ARFIP1: variants seen among roughly 807,000 people sequenced by gnomAD.
ARFIP1 encodes the protein ARF interacting protein 1, also known as arfaptin-1.
Under a neutral mutation model 42.5 loss-of-function variants are expected in ARFIP1, and 24 were observed. The ratio of observed to expected loss-of-function variants is 0.57; its 90% confidence interval spans 0.41 to 0.80. The LOEUF (loss-of-function observed/expected upper bound fraction) is 0.80. Among genes scored for constraint, ARFIP1 ranks in the 30% least tolerant of loss-of-function variants. The probability of loss-of-function intolerance (pLI) is 0.00; values close to 1 mark genes in which losing one functional copy is unlikely to be tolerated. For synonymous variants in ARFIP1, 141 were observed against 153.7 expected, an observed-to-expected ratio of 0.92 and a Z score of 0.61; for missense variants, 354 against 434.0, an observed-to-expected ratio of 0.82 and a Z score of 1.64.
intron 1 of ARFIP1, among the ~76,000 whole-genome samples, chr4:152,819,427 C>T (rs554941134): frequency 2.4e-4 from 36 of 152,276 alleles, no homozygotes; most frequent in African/African-American, 8.7e-4. Context: ...TCACTTCCCT[C>T]CCACCCCCAT....
At chr4:152,907,384 T>C (rs918828876) in intron 8 of ARFIP1, among the ~76,000 whole-genome samples, 5 of 152,056 alleles carry the variant, frequency 3.3e-5, no homozygotes, top group Non-Finnish European at 7.4e-5. Context: ...ACAGACAAAA[T>C]ATAAAGAGTA....
chr4:152,862,672 T>C (rs1320292554), intron 2 of ARFIP1, among the ~76,000 whole-genome samples: 1 of 152,216 alleles, frequency 6.6e-6, no homozygotes, highest in Admixed American at 6.5e-5. Context: ...AGCCCTGAAA[T>C]TCCCATGAAA....
At chr4:152,891,088 T>C (rs2149900284) in intron 8 of ARFIP1, among the ~76,000 whole-genome samples, 1 of 151,606 alleles carries the variant, frequency 6.6e-6, no homozygotes, top group East Asian at 1.9e-4. Context: ...CAGGGAGGGG[T>C]CCCTCCCATT....
intron 3 of ARFIP1, among the ~76,000 whole-genome samples, chr4:152,869,550 A>G (rs1182414480): frequency 6.6e-6 from 1 of 151,708 alleles, no homozygotes; most frequent in African/African-American, 2.4e-5. Flanking sequence ...CCTGGGCTCA[A>G]GCAGTCCGTC....
intron 2 of ARFIP1, among the ~76,000 whole-genome samples, chr4:152,840,596 C>A (rs1042010474): frequency 5.9e-5 from 9 of 152,080 alleles, no homozygotes; most frequent in African/African-American, 2.2e-4. Context: ...TGTGCATTGG[C>A]ATAAAATGCC....
At position 152,887,997 on chromosome 4, in the gene ARFIP1, C is replaced by G. The variant is rs1235545298; in HGVS notation, c.792-136C>G. 7.7e-6 allele frequency: 4 copies of G among 518,440 alleles called. No homozygotes were observed. In the African/African-American group the frequency reaches 8.0e-5, roughly 10 times the overall value. 32.1% of individuals were successfully genotyped at this position (518,440 alleles called of 1,614,324 possible). On this transcript the variant is annotated intron_variant, in intron 7 of 8. Coordinates refer to ENST00000353617, the MANE Select transcript of ARFIP1 (RefSeq NM_001025595.3). ...TTTAAAGAAATAATGATTTCAAAAG[C>G]GTCAAGTAGAATATGTGTGAGAATT...
At chr4:152,898,906 G>A (rs1056461200) in intron 8 of ARFIP1, among the ~76,000 whole-genome samples, 8 of 152,154 alleles carry the variant, frequency 5.3e-5, no homozygotes, top group African/African-American at 1.7e-4. Context: ...TTGAAAAGAA[G>A]AGTAATTGTT....
intron 1 of ARFIP1, chr4:152,796,469 T>C (rs1731477016): frequency 2.7e-6 from 2 of 730,146 alleles, no homozygotes; most frequent in Admixed American, 4.2e-5. Context: ...CCTGGGCACA[T>C]ACTTTAGGCA....
At chr4:152,907,303 A>G (rs909655570) in intron 8 of ARFIP1, among the ~76,000 whole-genome samples, 2 of 152,206 alleles carry the variant, frequency 1.3e-5, no homozygotes, top group Non-Finnish European at 2.9e-5. Context: ...CAAGTCTTCA[A>G]CAAAGTTGAT....
chr4:152,795,774 C>G (rs61678994), intron 1 of ARFIP1, among the ~76,000 whole-genome samples: 1 of 111,452 alleles, frequency 9.0e-6, no homozygotes, highest in Non-Finnish European at 1.8e-5. Flanking sequence ...TGGCATTTCT[C>G]TAATTTTGAG....
intron 8 of ARFIP1, among the ~76,000 whole-genome samples, chr4:152,906,545 C>T (rs1056829461): frequency 5.3e-5 from 8 of 152,184 alleles, no homozygotes; most frequent in Admixed American, 1.3e-4. Context: ...TTCTCACGAT[C>T]TCCTCTTTTA....
intron 1 of ARFIP1, among the ~76,000 whole-genome samples, chr4:152,827,521 G>A (rs1042682314): frequency 1.3e-5 from 2 of 152,154 alleles, no homozygotes; most frequent in African/African-American, 4.8e-5. Flanking sequence ...GTAGTATACA[G>A]AAAAGTTTCT....
chr4:152,882,884 A>T lies in ARFIP1; in HGVS notation c.791+4A>T. On this transcript the variant is annotated splice_donor_region_variant and intron_variant, in intron 7 of 8. Coordinates refer to ENST00000353617, the MANE Select transcript of ARFIP1 (RefSeq NM_001025595.3). The stretch of plus-strand genomic sequence containing the variant: ...TGAAACAGTATGAAAGTGCCAGGTA[A>T]GGTATACATTTTCACTGTGTTGTCT... 1 of 1,600,772 alleles carries T rather than the reference A, an allele frequency of 6.2e-7. No individual in the cohort carries two copies. Among genetic ancestry groups the T allele is most frequent in the Non-Finnish European group, 8.5e-7 (1 of 1,175,030 alleles).
intron 8 of ARFIP1, among the ~76,000 whole-genome samples, chr4:152,889,534 TACAC>T (rs1736559575): frequency 1.3e-4 from 6 of 45,872 alleles, no homozygotes; most frequent in African/African-American, 1.7e-4. Flanking sequence ...TATATATATA[TACAC>T]CTATTTTTGT....
At chr4:152,800,131 CATT>C (rs1474038406) in intron 1 of ARFIP1, among the ~76,000 whole-genome samples, 4 of 152,074 alleles carry the variant, frequency 2.6e-5, no homozygotes, top group African/African-American at 9.7e-5. Flanking sequence ...AATTTAAAAG[CATT>C]ATATGAGTTT....
intron 1 of ARFIP1, among the ~76,000 whole-genome samples, chr4:152,827,406 A>T (rs532050101): frequency 6.6e-6 from 1 of 152,256 alleles, no homozygotes; most frequent in Admixed American, 6.5e-5. Context: ...ATGACCCTAC[A>T]TTGACACATC....
chr4:152,871,602 G>GATTTTTACTGGGGGCTGATCAC (rs11270744), intron 4 of ARFIP1, among the ~76,000 whole-genome samples: 101,622 of 150,736 alleles, frequency 0.67, 34,556 homozygotes, highest in African/African-American at 0.75. Flanking sequence ...AATTTTTGGG[G>GATTTTTACTGGGGGCTGATCAC]ATTTTTACTG....
chr4:152,833,976 T>C (rs1184959803), intron 2 of ARFIP1, among the ~76,000 whole-genome samples: 1 of 152,220 alleles, frequency 6.6e-6, no homozygotes, highest in Non-Finnish European at 1.5e-5. Context: ...GCAGGAAGTA[T>C]GATGCCAACA....
chr4:152,786,106 A>G (rs1156598500), intron 1 of ARFIP1, among the ~76,000 whole-genome samples: 1 of 152,182 alleles, frequency 6.6e-6, no homozygotes, highest in Non-Finnish European at 1.5e-5. Context: ...TTTTGTTTTA[A>G]CTAAATCCAG....
Sources: allele counts gnomAD v4.1 joint callset (sites outside exome capture counted in the v4.1 genomes callset), GRCh38; gene constraint gnomAD v4.1.1; transcripts MANE v1.5; gene names NCBI Gene and HGNC (gene_info 2026-07-23, HGNC 2026-07-21).